Variants in ALCAM observed in about 807,000 individuals in gnomAD.
ALCAM encodes CD166 antigen.
ALCAM carries 30 observed loss-of-function variants against 70.9 expected under a neutral mutation model. That is an observed-to-expected ratio of 0.42 (90% CI 0.32 to 0.57). The LOEUF is 0.57. ALCAM is among the 20% of genes least tolerant of loss of function. The pLI, the probability that ALCAM is intolerant of heterozygous loss-of-function variation, is 0.11. For synonymous variants in ALCAM, 249 were observed against 242.5 expected (o/e 1.03, Z -0.25); for missense variants, 591 against 695.1 (o/e 0.85, Z 1.68).
chr3:105,552,183 G>A lies in ALCAM; in HGVS notation c.1546+1G>A. On this transcript the variant is annotated splice_donor_variant, in intron 13 of 15. Coordinates refer to ENST00000306107, the MANE Select transcript of ALCAM (RefSeq NM_001627.4). LOFTEE classifies it high-confidence loss of function. The stretch of plus-strand genomic sequence containing the variant: ...CACGATGAGGCAGACGAGATAAGTG[G>A]TAGGTACTATGCTGCCGACTCTTCT... 6.2e-7 allele frequency: 1 copy of A among 1,603,488 alleles called. No individual in the cohort carries two copies. The highest frequency in any genetic ancestry group is 1.1e-5 in the South Asian group (1 of 89,326).
chr3:105,518,646 A>G (rs2152622263), intron 1 of ALCAM, among the ~76,000 whole-genome samples: 1 of 152,174 alleles, frequency 6.6e-6, no homozygotes, highest in Admixed American at 6.5e-5. Flanking sequence ...AGTATAGAGA[A>G]CACAAAACAA....
In ALCAM at chr3:105,534,697, A is replaced by G. The variant is rs112184836; in HGVS notation, c.582A>G (p.Pro194=). The change falls in exon 6 of 16, where the codon CCA becomes CCG. Residue 194 remains proline (P), a synonymous_variant. Coordinates refer to ENST00000306107, the MANE Select transcript of ALCAM (RefSeq NM_001627.4). ...VVIIFKKEMD[P]VTQLYTMTST... ...TAATTTTTAAAAAGGAAATGGACCCAGTGACTCAGCTCTATACCATGACTT... is the reference window on the plus strand; with the variant it reads ...TAATTTTTAAAAAGGAAATGGACCCGGTGACTCAGCTCTATACCATGACTT... 263 of 1,613,814 alleles carry G rather than the reference A, an allele frequency of 1.6e-4. 1 individual carries two copies. The African/African-American group carries it at 3.3e-3, about 20-fold the overall frequency.
At chr3:105,487,714 T>C (rs974289604) in intron 1 of ALCAM, among the ~76,000 whole-genome samples, 2 of 152,032 alleles carry the variant, frequency 1.3e-5, no homozygotes, top group African/African-American at 4.8e-5. Flanking sequence ...TCAGAGAGGG[T>C]AGAAGGTAAA....
chr3:105,552,081 A>G, intron 12 of ALCAM, 63 bp from the exon 13 acceptor site: 1 of 1,217,660 alleles, frequency 8.2e-7, no homozygotes, highest in South Asian at 1.4e-5. Context: ...TATAATGGTA[A>G]AGGTGACTTT....
chr3:105,522,003 C>T (rs1423215615), intron 2 of ALCAM, among the ~76,000 whole-genome samples: 1 of 152,168 alleles, frequency 6.6e-6, no homozygotes, highest in Non-Finnish European at 1.5e-5. Flanking sequence ...CTTGTTCAAT[C>T]AAATTTGCTG....
At chr3:105,368,532 T>A (rs1935141704) in intron 1 of ALCAM, among the ~76,000 whole-genome samples, 1 of 152,056 alleles carries the variant, frequency 6.6e-6, no homozygotes, top group South Asian at 2.1e-4. Flanking sequence ...TACTTCCTGG[T>A]ATTTTGGCCT....
Position 105,381,304 on chromosome 3 carries a change from A to G in ALCAM, c.73+13823A>G, listed in dbSNP as rs909377582. Among the ~76,000 whole-genome samples, 24 of 152,110 alleles carry G rather than the reference A, an allele frequency of 1.6e-4. No homozygotes were observed. In the East Asian group the frequency reaches 1.7e-3, roughly 11 times the overall value. On this transcript the variant is annotated intron_variant, in intron 1 of 15. Transcript: ENST00000306107. ...TTCACATAGATATTATACATAAAGAAGAGAGGCCACAGGTTCAGAATTATA... is the reference window on the plus strand; with the variant it reads ...TTCACATAGATATTATACATAAAGAGGAGAGGCCACAGGTTCAGAATTATA...
intron 1 of ALCAM, among the ~76,000 whole-genome samples, chr3:105,504,635 T>C (rs551359122): frequency 1.3e-5 from 2 of 152,282 alleles, no homozygotes; most frequent in Admixed American, 6.5e-5. Flanking sequence ...TGCTCGTTTG[T>C]TCCCCCCACC....
chr3:105,484,920 A>G (rs1938381937), intron 1 of ALCAM, among the ~76,000 whole-genome samples: 1 of 152,102 alleles, frequency 6.6e-6, no homozygotes, highest in Admixed American at 6.6e-5. Context: ...CCCATAGACA[A>G]AATTAAAGTC....
rs59389132 is a variant in ALCAM, at chr3:105,454,653, A to ATTTTTTTTTTTT, written c.74-65391_74-65380dup. Among the ~76,000 whole-genome samples, 34 of 61,794 alleles carry ATTTTTTTTTTTT rather than the reference A, an allele frequency of 5.5e-4. 3 individuals are homozygous for ATTTTTTTTTTTT. The highest frequency in any genetic ancestry group is 2.5e-3 in the South Asian group (3 of 1,184). 40.5% of individuals were successfully genotyped at this position (61,794 alleles called of 152,430 possible). A position where few individuals can be genotyped will look rare whatever the true frequency, so the allele number is the denominator to read the frequency against. The stretch of plus-strand genomic sequence containing the variant: ...ATTGGCACATAGTAGATGCTCATTA[A>ATTTTTTTTTTTT]TTTTTTTTTTTTTTTTTTTTTTTTT... On this transcript the variant is annotated intron_variant, in intron 1 of 15. Coordinates refer to ENST00000306107, the MANE Select transcript of ALCAM (RefSeq NM_001627.4).
chr3:105,459,969 G>C (rs533894190), intron 1 of ALCAM, among the ~76,000 whole-genome samples: 5 of 151,916 alleles, frequency 3.3e-5, no homozygotes, highest in Non-Finnish European at 7.4e-5. Context: ...AAATAAATTG[G>C]ATTTTTTGAT....
At chr3:105,380,329 A>T (rs1359161728) in intron 1 of ALCAM, among the ~76,000 whole-genome samples, 6 of 151,916 alleles carry the variant, frequency 3.9e-5, no homozygotes, top group African/African-American at 1.4e-4. Context: ...TTTGTCAAAA[A>T]TCCACTAACA....
intron 3 of ALCAM, among the ~76,000 whole-genome samples, chr3:105,529,156 CA>C (rs1559823185): frequency 6.6e-6 from 1 of 151,572 alleles, no homozygotes; most frequent in Non-Finnish European, 1.5e-5. Context: ...GCCAGGTCAG[CA>C]AAAAAAGAAA....
At chr3:105,490,180 C>T (rs1938542890) in intron 1 of ALCAM, among the ~76,000 whole-genome samples, 1 of 152,168 alleles carries the variant, frequency 6.6e-6, no homozygotes, top group Admixed American at 6.5e-5. Context: ...AAGTGTCTTC[C>T]TTATTGAGGC....
intron 1 of ALCAM, among the ~76,000 whole-genome samples, chr3:105,433,753 T>A (rs936351689): frequency 5.3e-5 from 8 of 150,772 alleles, no homozygotes; most frequent in African/African-American, 2.0e-4. Flanking sequence ...AAGGGCTTTC[T>A]ATCACCTTAA....
intron 1 of ALCAM, among the ~76,000 whole-genome samples, chr3:105,408,169 C>A (rs755031652): frequency 4.0e-5 from 6 of 150,432 alleles, no homozygotes; most frequent in African/African-American, 7.3e-5. Flanking sequence ...CAATTCCCAT[C>A]AAAAATACCA....
intron 14 of ALCAM, 128 bp from the exon 15 acceptor site, chr3:105,571,724 A>C: frequency 1.5e-6 from 1 of 663,828 alleles, no homozygotes; most frequent in Non-Finnish European, 2.5e-6. Flanking sequence ...AGATATGGAA[A>C]TTTTTGCCTA....
At chr3:105,462,188 A>G (rs1937612954) in intron 1 of ALCAM, among the ~76,000 whole-genome samples, 1 of 151,740 alleles carries the variant, frequency 6.6e-6, no homozygotes, top group South Asian at 2.1e-4. Flanking sequence ...GCTAATGAAC[A>G]CATTTCATTC....
rs189465436 is a variant in ALCAM at position 105,460,269 on chromosome 3, G to A, written c.74-59798G>A. On this transcript the variant is annotated intron_variant, in intron 1 of 15. Transcript: ENST00000306107. ...AACCCTCATTAATTTATAATTCACC[G>A]CATTGCTTTAAAAGTGCTGCACAGA... Among the ~76,000 whole-genome samples the A allele has an allele frequency of 4.1e-4, 62 of 152,018 alleles. 1 individual carries two copies. The highest frequency in any genetic ancestry group is 2.6e-3 in the Admixed American group (40 of 15,250).
Sources: gnomAD v4.1 joint callset for allele counts (sites outside exome capture counted in the v4.1 genomes callset) on GRCh38, gnomAD v4.1.1 for gene constraint, MANE v1.5 for transcripts, NCBI Gene and HGNC (gene_info 2026-07-23, HGNC 2026-07-21) for gene names.